Variants in DTNA observed in about 807,000 individuals in gnomAD.
DTNA encodes dystrophin-related protein 3.
In DTNA, 43 loss-of-function variants were observed where a neutral mutation model predicts 100.7. The ratio of observed to expected loss-of-function variants is 0.43; its 90% confidence interval spans 0.33 to 0.55. DTNA has a LOEUF of 0.55. DTNA is among the 20% of genes least tolerant of loss of function. DTNA has a pLI of 0.04. For synonymous variants in DTNA, 349 were observed against 347.9 expected, an observed-to-expected ratio of 1.00 and a Z score of -0.04; for missense variants, 798 against 953.9, an observed-to-expected ratio of 0.84 and a Z score of 2.15.
At chr18:34,521,219 G>T (rs570449091) in intron 1 of DTNA, among the ~76,000 whole-genome samples, 143 of 152,052 alleles carry the variant, frequency 9.4e-4, no homozygotes, top group Non-Finnish European at 1.8e-3. Flanking sequence ...TGTTATTCTT[G>T]TCTCCCATTT....
intron 1 of DTNA, among the ~76,000 whole-genome samples, chr18:34,666,323 C>A (rs1450245371): frequency 6.6e-6 from 1 of 151,590 alleles, no homozygotes; most frequent in Non-Finnish European, 1.5e-5. Context: ...GGATATTAGC[C>A]CTTTGTCAGA....
At chr18:34,852,945 T>C (rs2096499565) in intron 15 of DTNA, among the ~76,000 whole-genome samples, 1 of 152,222 alleles carries the variant, frequency 6.6e-6, no homozygotes, top group Admixed American at 6.5e-5. Context: ...TGTGTTTGTT[T>C]CTTCGTTTAT....
intron 16 of DTNA, among the ~76,000 whole-genome samples, chr18:34,862,363 A>G (rs1305714356): frequency 5.3e-5 from 8 of 151,720 alleles, no homozygotes; most frequent in African/African-American, 1.9e-4. Context: ...AGCAGTCCTT[A>G]CTCTTGTAAG....
intron 1 of DTNA, among the ~76,000 whole-genome samples, chr18:34,588,812 T>A (rs190661728): frequency 9.5e-5 from 14 of 146,932 alleles, no homozygotes; most frequent in Non-Finnish European, 1.6e-4. Context: ...TTTTTAGCCT[T>A]TATCTTCCTC....
chr18:34,513,018 A>G (rs1410730856), intron 1 of DTNA, among the ~76,000 whole-genome samples: 2 of 152,134 alleles, frequency 1.3e-5, no homozygotes, highest in Non-Finnish European at 2.9e-5. Flanking sequence ...CTAATAATCC[A>G]TGGAAAACTT....
At chr18:34,857,819 G>A (rs1442793663) in intron 15 of DTNA, among the ~76,000 whole-genome samples, 3 of 152,140 alleles carry the variant, frequency 2.0e-5, no homozygotes, top group Non-Finnish European at 4.4e-5. Flanking sequence ...TGTGAAATGA[G>A]CCCCATTTAT....
At chr18:34,790,567 A>ATATATATATATATATTTTT (rs2094687460) in intron 3 of DTNA, among the ~76,000 whole-genome samples, 4 of 39,658 alleles carry the variant, frequency 1.0e-4, no homozygotes, top group African/African-American at 3.6e-4. Flanking sequence ...ATATATATAT[A>ATATATATATATATATTTTT]TTTTTTTTTT....
intron 15 of DTNA, among the ~76,000 whole-genome samples, chr18:34,853,527 C>T (rs112991401): frequency 0.014 from 2,065 of 152,102 alleles, 29 homozygotes; most frequent in African/African-American, 0.048. Context: ...GACCTGGCTG[C>T]CATCATTAGG....
At chr18:34,558,679 TC>T (rs2146171116) in intron 1 of DTNA, among the ~76,000 whole-genome samples, 1 of 152,240 alleles carries the variant, frequency 6.6e-6, no homozygotes, top group East Asian at 1.9e-4. Flanking sequence ...CATTCAATGG[TC>T]CAGAAAGGTC....
intron 1 of DTNA, among the ~76,000 whole-genome samples, chr18:34,613,774 G>A (rs2054689139): frequency 6.6e-6 from 1 of 152,156 alleles, no homozygotes; most frequent in Non-Finnish European, 1.5e-5. Flanking sequence ...GAAAGAAGCT[G>A]TCTCCATAAC....
In DTNA at chr18:34,694,227, G is replaced by T. The variant is rs181172625; in HGVS notation, c.-1-61749G>T. Among the ~76,000 whole-genome samples the T allele has an allele frequency of 3.4e-3, 521 of 152,156 alleles. 11 individuals are homozygous for T. Among genetic ancestry groups the T allele is most frequent in the Non-Finnish European group, 3.8e-4 (26 of 68,000 alleles). Reference sequence around the variant, plus strand: ...CCCTTTACTTCCCTAGAAGAGCTTTGCAGAATACTATTTACCTTTTCATAA... The same window carrying T: ...CCCTTTACTTCCCTAGAAGAGCTTTTCAGAATACTATTTACCTTTTCATAA... On this transcript the variant is annotated intron_variant, in intron 1 of 19. Coordinates refer to the DTNA transcript ENST00000283365.
At chr18:34,576,294 C>G (rs1207190536) in intron 1 of DTNA, among the ~76,000 whole-genome samples, 1 of 152,162 alleles carries the variant, frequency 6.6e-6, no homozygotes, top group Non-Finnish European at 1.5e-5. Context: ...CTGTAGTCTT[C>G]CAGGAACCCA....
chr18:34,695,154 AC>A (rs1340209987), intron 1 of DTNA, among the ~76,000 whole-genome samples: 2 of 152,138 alleles, frequency 1.3e-5, no homozygotes, highest in Admixed American at 6.6e-5. Flanking sequence ...AAGTGAAAGG[AC>A]CTATGTAGCA....
chr18:34,599,967 C>A (rs1188005847), intron 1 of DTNA, among the ~76,000 whole-genome samples: 2 of 152,146 alleles, frequency 1.3e-5, no homozygotes, highest in African/African-American at 2.4e-5. Context: ...TGTGAGCCAC[C>A]GTGTCCAGCC....
intron 15 of DTNA, among the ~76,000 whole-genome samples, chr18:34,856,222 G>C (rs2096551149): frequency 6.6e-6 from 1 of 152,172 alleles, no homozygotes; most frequent in East Asian, 1.9e-4. Context: ...TCATCTCTCT[G>C]AGCCAGCAGC....
At chr18:34,852,706 A>G (rs1178558002) in intron 15 of DTNA, among the ~76,000 whole-genome samples, 1 of 151,956 alleles carries the variant, frequency 6.6e-6, no homozygotes, top group Admixed American at 6.5e-5. Flanking sequence ...CCTCCTGTCT[A>G]CAGCCTTTGA....
chr18:34,725,655 G>T (rs1388174059), intron 1 of DTNA, among the ~76,000 whole-genome samples: 1 of 152,206 alleles, frequency 6.6e-6, no homozygotes, highest in Non-Finnish European at 1.5e-5. Flanking sequence ...TGGTGGGACT[G>T]TAAATTAGTT....
chr18:34,589,367 A>G (rs1044998456), intron 1 of DTNA, among the ~76,000 whole-genome samples: 3 of 152,072 alleles, frequency 2.0e-5, no homozygotes, highest in African/African-American at 4.8e-5. Context: ...AATCCACTTC[A>G]GGAGGCCGAG....
intron 1 of DTNA, among the ~76,000 whole-genome samples, chr18:34,716,619 T>C (rs544731108): frequency 6.6e-6 from 1 of 152,308 alleles, no homozygotes; most frequent in South Asian, 2.1e-4. Flanking sequence ...GGCTATATGC[T>C]GGTCTAACTG....
Sources: allele counts gnomAD v4.1 joint callset (sites outside exome capture counted in the v4.1 genomes callset), GRCh38; gene constraint gnomAD v4.1.1; transcripts MANE v1.5; gene names NCBI Gene and HGNC (gene_info 2026-07-23, HGNC 2026-07-21).